The following PRMT8 variants were observed in gnomAD, a reference collection of about 807,000 sequenced individuals.
PRMT8 encodes the protein protein arginine N-methyltransferase 8.
A neutral mutation model predicts 47.1 loss-of-function variants in PRMT8; 7 were observed. That is an observed-to-expected ratio of 0.15 (90% CI 0.08 to 0.28). PRMT8 has a LOEUF of 0.28. Among genes scored for constraint, PRMT8 ranks in the 10% least tolerant of loss-of-function variants. PRMT8 has a pLI of 1.00. For missense variants in PRMT8, 237 were observed against 505.4 expected, an observed-to-expected ratio of 0.47 and a Z score of 5.09; for synonymous variants, 188 against 186.5, an observed-to-expected ratio of 1.01 and a Z score of -0.07.
intron 1 of PRMT8, among the ~76,000 whole-genome samples, chr12:3,527,145 G>C (rs1865959726): frequency 6.6e-6 from 1 of 152,056 alleles, no homozygotes; most frequent in Admixed American, 6.6e-5. Context: ...TATGGTATAT[G>C]TATTGAACTT....
chr12:3,429,679 G>T (rs372443598), intron 1 of PRMT8, among the ~76,000 whole-genome samples: 6 of 152,226 alleles, frequency 3.9e-5, no homozygotes, highest in African/African-American at 1.2e-4. Flanking sequence ...CTCAAATGGA[G>T]TGCACAAGTT....
Position 3,399,301 on chromosome 12 carries a change from C to T in PRMT8, c.48+17859C>T, listed in dbSNP as rs1416252735. Among the ~76,000 whole-genome samples, 5 of 152,090 alleles carry T rather than the reference C, an allele frequency of 3.3e-5. No individual in the cohort carries two copies. The South Asian group carries it at 6.2e-4, about 19-fold the overall frequency. On this transcript the variant is annotated intron_variant, in intron 1 of 9. Coordinates refer to the PRMT8 transcript ENST00000452611. ...ACCAGCAAGTAGCTTTCAAAGTTGGCGACTGGGGAGCTGGAGAGGGGCAAA... is the reference window on the plus strand; with the variant it reads ...ACCAGCAAGTAGCTTTCAAAGTTGGTGACTGGGGAGCTGGAGAGGGGCAAA...
chr12:3,590,221 A>G (rs1180308845), intron 8 of PRMT8, among the ~76,000 whole-genome samples: 2 of 152,232 alleles, frequency 1.3e-5, no homozygotes, highest in East Asian at 3.9e-4. Flanking sequence ...TCGATTTCCC[A>G]AATGCACACA....
chr12:3,420,517 A>T (rs1864530286), intron 1 of PRMT8, among the ~76,000 whole-genome samples: 1 of 152,172 alleles, frequency 6.6e-6, no homozygotes, highest in Admixed American at 6.5e-5. Flanking sequence ...ACGCTGTGAC[A>T]GCCTCCCAGC....
chr12:3,394,695 G>A (rs1411158776), intron 1 of PRMT8, among the ~76,000 whole-genome samples: 3 of 151,950 alleles, frequency 2.0e-5, no homozygotes, highest in Non-Finnish European at 4.4e-5. Context: ...GTCTCTGCCC[G>A]GCTTTGGTAT....
chr12:3,530,521 T>G (rs1401611229), intron 1 of PRMT8, among the ~76,000 whole-genome samples: 1 of 152,028 alleles, frequency 6.6e-6, no homozygotes, highest in Non-Finnish European at 1.5e-5. Flanking sequence ...GAGGTCAAAA[T>G]AGGAGCAGGA....
Position 3,453,987 on chromosome 12 carries a change from C to T in PRMT8, c.48+72545C>T, listed in dbSNP as rs932164597. Among the ~76,000 whole-genome samples the T allele has an allele frequency of 6.6e-6, 1 of 152,292 alleles. No homozygotes were observed. ...TCGAGAAGCAGCGACGTGCTCGGGT[C>T]ACCTCAGGGCGGAGGGTTTGCAGGA... On this transcript the variant is annotated intron_variant, in intron 1 of 9. Transcript: ENST00000452611. The surrounding 1 kb of genome is among the most constrained non-coding windows in gnomAD (Gnocchi z 4.9).
chr12:3,457,185 G>A (rs927067861), intron 1 of PRMT8, among the ~76,000 whole-genome samples: 9 of 152,328 alleles, frequency 5.9e-5, no homozygotes, highest in African/African-American at 2.2e-4. Flanking sequence ...GTGTCCCTGA[G>A]CACTGCTGGG....
intron 1 of PRMT8, among the ~76,000 whole-genome samples, chr12:3,530,162 C>A (rs1428893469): frequency 2.6e-5 from 4 of 152,014 alleles, no homozygotes; most frequent in Non-Finnish European, 5.9e-5. Flanking sequence ...ATTATTATTC[C>A]CAATTTTGCT....
intron 4 of PRMT8, among the ~76,000 whole-genome samples, chr12:3,560,213 A>G (rs569227071): frequency 5.3e-5 from 8 of 152,324 alleles, no homozygotes; most frequent in Admixed American, 4.6e-4. Context: ...GGATGCTTCC[A>G]TGGAAATGCT....
chr12:3,397,909 C>T (rs1180771410), intron 1 of PRMT8, among the ~76,000 whole-genome samples: 2 of 152,068 alleles, frequency 1.3e-5, no homozygotes, highest in African/African-American at 4.8e-5. Flanking sequence ...GATGTAATCT[C>T]CTGGTGTGCC....
At chr12:3,452,668 C>G (rs1024363610) in intron 1 of PRMT8, among the ~76,000 whole-genome samples, 1 of 152,176 alleles carries the variant, frequency 6.6e-6, no homozygotes, top group Non-Finnish European at 1.5e-5. Context: ...TTGCTTTATC[C>G]TAGGAACAGG....
At chr12:3,419,151 A>G (rs1237299374) in intron 1 of PRMT8, among the ~76,000 whole-genome samples, 1 of 152,240 alleles carries the variant, frequency 6.6e-6, no homozygotes, top group East Asian at 1.9e-4. Flanking sequence ...CCAGAAAACC[A>G]AGACCCAGGG....
intron 1 of PRMT8, among the ~76,000 whole-genome samples, chr12:3,496,214 A>ATATATATATATATATGTATTTTTTTT: frequency 3.6e-5 from 1 of 27,756 alleles, no homozygotes; most frequent in African/African-American, 8.8e-5. Context: ...ATATATATAT[A>ATATATATATATATATGTATTTTTTTT]TTTTTTTTTT....
chr12:3,495,005 A>T (rs564374647), intron 1 of PRMT8, among the ~76,000 whole-genome samples: 60 of 152,222 alleles, frequency 3.9e-4, no homozygotes, highest in African/African-American at 1.3e-3. Flanking sequence ...TAAGGGAATC[A>T]CCATTCTGCC....
intron 1 of PRMT8, among the ~76,000 whole-genome samples, chr12:3,429,636 A>C (rs1284851630): frequency 6.6e-6 from 1 of 152,258 alleles, no homozygotes; most frequent in Non-Finnish European, 1.5e-5. Context: ...GTGACAGTAC[A>C]GGCATGTCAT....
In PRMT8 at chr12:3,453,133, G is replaced by A. The variant is rs1362971717; in HGVS notation, c.48+71691G>A. 6.6e-6 allele frequency among the ~76,000 whole-genome samples: 1 copy of A among 152,186 alleles called. No individual in the cohort carries two copies. The highest frequency in any genetic ancestry group is 2.4e-5 in the African/African-American group (1 of 41,446). ...ATCAGGTAGGCTGGAGAGGAGAGGG[G>A]TCAGTCCGGGAGACCGTCCTGAAGA... On this transcript the variant is annotated intron_variant, in intron 1 of 9. Transcript: ENST00000452611. The surrounding 1 kb of genome is among the most constrained non-coding windows in gnomAD (Gnocchi z 4.9).
At chr12:3,408,336 T>C (rs548433703) in intron 1 of PRMT8, among the ~76,000 whole-genome samples, 85 of 152,102 alleles carry the variant, frequency 5.6e-4, no homozygotes, top group African/African-American at 1.9e-3. Context: ...AGGGCTCAAG[T>C]GATCCTCCCA....
At chr12:3,512,006 C>G (rs146375719) in intron 1 of PRMT8, among the ~76,000 whole-genome samples, 27 of 152,266 alleles carry the variant, frequency 1.8e-4, no homozygotes, top group African/African-American at 6.0e-4. Flanking sequence ...ACACTGGGGC[C>G]TTGGGAGTGT....
Sources: allele counts gnomAD v4.1 joint callset (sites outside exome capture counted in the v4.1 genomes callset), GRCh38; gene constraint gnomAD v4.1.1; non-coding constraint Gnocchi (gnomAD v3.1); transcripts MANE v1.5; gene names NCBI Gene and HGNC (gene_info 2026-07-23, HGNC 2026-07-21).